Variants in RBFOX1 observed in about 807,000 individuals in gnomAD.
The protein encoded by RBFOX1 is RNA binding fox-1 homolog 1.
RBFOX1 carries 8 observed loss-of-function variants against 57.7 expected under a neutral mutation model. The ratio of observed to expected loss-of-function variants is 0.14; its 90% CI spans 0.08 to 0.25. RBFOX1 has a LOEUF of 0.25. Among genes scored for constraint, RBFOX1 ranks in the 10% least tolerant of loss-of-function variants. RBFOX1 has a pLI of 1.00. For synonymous variants in RBFOX1, 326 were observed against 222.4 expected (o/e 1.47, Z -4.15); for missense variants, 611 against 548.5 (o/e 1.11, Z -1.14).
intron 2 of RBFOX1, among the ~76,000 whole-genome samples, chr16:6,529,166 C>T (rs969239771): frequency 5.8e-4 from 89 of 152,272 alleles, no homozygotes; most frequent in Middle Eastern, 3.4e-3. Flanking sequence ...TATAACTTGA[C>T]ATTTGCTAAA....
intron 3 of RBFOX1, among the ~76,000 whole-genome samples, chr16:6,779,787 T>A (rs796133183): frequency 2.8e-3 from 13 of 4,654 alleles, no homozygotes; most frequent in Admixed American, 5.3e-3. Flanking sequence ...ATATATATTT[T>A]TATATATACT....
chr16:7,495,369 T>G (rs893719704), intron 4 of RBFOX1, among the ~76,000 whole-genome samples: 15 of 152,352 alleles, frequency 9.8e-5, no homozygotes, highest in African/African-American at 2.9e-4. Flanking sequence ...GTAGCTCTGT[T>G]TTAAGTTCTT....
At chr16:6,575,660 C>G (rs1379200946) in intron 2 of RBFOX1, among the ~76,000 whole-genome samples, 1 of 152,000 alleles carries the variant, frequency 6.6e-6, no homozygotes, top group Non-Finnish European at 1.5e-5. Context: ...GAATTTGAGA[C>G]CAGACTGATC....
At chr16:6,794,694 C>G (rs747237052) in intron 3 of RBFOX1, among the ~76,000 whole-genome samples, 5 of 152,096 alleles carry the variant, frequency 3.3e-5, no homozygotes, top group Non-Finnish European at 7.4e-5. Flanking sequence ...GTATGCATCC[C>G]AGAATGTTTA....
At chr16:5,794,458 T>C (rs904110447) in intron 3 of RBFOX1, among the ~76,000 whole-genome samples, 1 of 152,024 alleles carries the variant, frequency 6.6e-6, no homozygotes, top group Middle Eastern at 3.4e-3. Flanking sequence ...AACACCAAAA[T>C]GTCTGTGATA....
At chr16:5,945,083 G>A (rs1173226406) in intron 4 of RBFOX1, among the ~76,000 whole-genome samples, 1 of 151,506 alleles carries the variant, frequency 6.6e-6, no homozygotes, top group Admixed American at 6.6e-5. Context: ...TAGGTTTAAG[G>A]GCTGTGAAAT....
chr16:7,330,545 G>A (rs2096675299), intron 4 of RBFOX1, among the ~76,000 whole-genome samples: 1 of 150,360 alleles, frequency 6.7e-6, no homozygotes, highest in Non-Finnish European at 1.5e-5. Context: ...GAGAGAGAGA[G>A]AGAAAGTTAC....
intron 1 of RBFOX1, among the ~76,000 whole-genome samples, chr16:5,347,725 C>G (rs1025828184): frequency 6.6e-6 from 1 of 150,542 alleles, no homozygotes; most frequent in Non-Finnish European, 1.5e-5. Context: ...TCCATTCATC[C>G]TCCCATCCAC....
intron 3 of RBFOX1, among the ~76,000 whole-genome samples, chr16:6,799,958 A>C (rs1030032031): frequency 6.6e-6 from 1 of 152,118 alleles, no homozygotes; most frequent in African/African-American, 2.4e-5. Flanking sequence ...ATGTGAGTCA[A>C]TTCTCCTTAA....
At position 5,385,339 on chromosome 16, in the gene RBFOX1, C is replaced by T. The variant is rs556350778; in HGVS notation, c.220-81877C>T. Among the ~76,000 whole-genome samples the T allele has an allele frequency of 3.3e-5, 5 of 152,300 alleles. No homozygotes were observed. In the East Asian group the frequency reaches 9.7e-4, roughly 29 times the overall value. ...AGAGCCTTTACTATTTACCTGTGTA[C>T]TTGTAATGTCCATTGTCCAGGCAGA... On this transcript the variant is annotated intron_variant, in intron 1 of 2. Coordinates refer to the RBFOX1 transcript ENST00000585867.
intron 3 of RBFOX1, among the ~76,000 whole-genome samples, chr16:5,817,604 G>A (rs1197579535): frequency 6.6e-6 from 1 of 151,894 alleles, no homozygotes; most frequent in Non-Finnish European, 1.5e-5. Flanking sequence ...GCTGGAGAGG[G>A]GAGAGAGAAA....
chr16:6,849,445 A>G (rs1378163855), intron 3 of RBFOX1, among the ~76,000 whole-genome samples: 2 of 152,174 alleles, frequency 1.3e-5, no homozygotes, highest in Non-Finnish European at 2.9e-5. Flanking sequence ...AGGCTGGTAG[A>G]TCACTTGAGG....
intron 4 of RBFOX1, among the ~76,000 whole-genome samples, chr16:7,232,290 C>T (rs1041493298): frequency 2.0e-5 from 3 of 152,078 alleles, no homozygotes; most frequent in African/African-American, 7.2e-5. Context: ...ACCACCACAA[C>T]AAAAACCATG....
rs559610274 is a variant in RBFOX1, at chr16:7,061,853, G to GA, written c.27+9764dup. On this transcript the variant is annotated intron_variant, in intron 4 of 15. Transcript: ENST00000550418. ...TTGAGGTCTAAATACCATTTCAGGA[G>GA]AAAAAAAAATACGTGATAGGCAAGG... Among the ~76,000 whole-genome samples the GA allele has an allele frequency of 7.1e-4, 108 of 151,396 alleles. 2 individuals are homozygous for GA. In the Middle Eastern group the frequency reaches 0.024, roughly 33 times the overall value.
intron 14 of RBFOX1, among the ~76,000 whole-genome samples, chr16:7,687,908 G>A (rs1457582339): frequency 6.6e-6 from 1 of 151,938 alleles, no homozygotes; most frequent in African/African-American, 2.4e-5. Flanking sequence ...AACCCCAGGG[G>A]TTTTTCAGGC....
intron 2 of RBFOX1, among the ~76,000 whole-genome samples, chr16:5,509,731 C>T (rs984046403): frequency 6.6e-6 from 1 of 152,128 alleles, no homozygotes; most frequent in East Asian, 1.9e-4. Flanking sequence ...GGGCTTGGGC[C>T]AGGCGTGGAC....
intron 4 of RBFOX1, among the ~76,000 whole-genome samples, chr16:7,135,814 A>G (rs1170459290): frequency 6.6e-6 from 1 of 152,222 alleles, no homozygotes; most frequent in Non-Finnish European, 1.5e-5. Context: ...ACTTATTTCT[A>G]GTCTTTTTGA....
chr16:7,062,042 G>T (rs571975389), intron 4 of RBFOX1, among the ~76,000 whole-genome samples: 1 of 152,134 alleles, frequency 6.6e-6, no homozygotes, highest in African/African-American at 2.4e-5. Context: ...ACGAGGCCGG[G>T]TGTGGTGGCT....
chr16:5,561,626 T>C lies in RBFOX1; in HGVS notation c.259-37276T>C, dbSNP rs540694020. On this transcript the variant is annotated intron_variant, in intron 2 of 2. Transcript: ENST00000585867. ...AAATACATTTCCAATCCTGTTTTAATACTAGACCTTTATATGATGATTATT... is the reference window on the plus strand; with the variant it reads ...AAATACATTTCCAATCCTGTTTTAACACTAGACCTTTATATGATGATTATT... Among the ~76,000 whole-genome samples, 5 of 152,282 alleles carry C rather than the reference T, an allele frequency of 3.3e-5. No individual in the cohort carries two copies. In the East Asian group the frequency reaches 9.7e-4, roughly 30 times the overall value.
Sources: gnomAD v4.1 joint callset for allele counts (sites outside exome capture counted in the v4.1 genomes callset) on GRCh38, gnomAD v4.1.1 for gene constraint, MANE v1.5 for transcripts, NCBI Gene and HGNC (gene_info 2026-07-23, HGNC 2026-07-21) for gene names.